FUCA1: variants seen among roughly 807,000 people sequenced by gnomAD.
FUCA1 encodes tissue alpha-L-fucosidase.
In FUCA1, 52 loss-of-function variants were observed where a neutral mutation model predicts 56.8. The observed-to-expected ratio is 0.92, with a 90% CI of 0.73 to 1.15. The LOEUF (loss-of-function observed/expected upper bound fraction) is 1.15, where lower values mean the gene tolerates loss of function less well. Ranked by LOEUF, FUCA1 falls within the 50% of genes most tolerant of loss-of-function variation. The pLI is 0.00. For synonymous variants in FUCA1, 230 were observed against 226.6 expected, an observed-to-expected ratio of 1.02 and a Z score of -0.14; for missense variants, 568 against 592.6, an observed-to-expected ratio of 0.96 and a Z score of 0.43.
At chr1:23,850,134 G>A (rs1483880089) in intron 5 of FUCA1, among the ~76,000 whole-genome samples, 1 of 151,792 alleles carries the variant, frequency 6.6e-6, no homozygotes, top group African/African-American at 2.4e-5. Flanking sequence ...GGCCAACGTG[G>A]TGAAGGCCCT....
chr1:23,859,103 C>A (rs1639454019), intron 4 of FUCA1, among the ~76,000 whole-genome samples: 1 of 151,766 alleles, frequency 6.6e-6, no homozygotes, highest in South Asian at 2.1e-4. Context: ...TATATGTTTT[C>A]TTTGTATTTT....
intron 5 of FUCA1, among the ~76,000 whole-genome samples, chr1:23,851,235 G>A (rs527626808): frequency 2.0e-5 from 3 of 152,246 alleles, no homozygotes; most frequent in South Asian, 2.1e-4. Flanking sequence ...ATGGTGGCAC[G>A]TGCCTGTATT....
At chr1:23,849,669 G>A (rs149859607) in intron 5 of FUCA1, among the ~76,000 whole-genome samples, 1,349 of 129,114 alleles carry the variant, frequency 0.01, 23 homozygotes, top group African/African-American at 0.037. Context: ...TGCAACCTCC[G>A]CCTCCTGGGT....
At chr1:23,849,733 C>T (rs1298610511) in intron 5 of FUCA1, among the ~76,000 whole-genome samples, 2 of 151,646 alleles carry the variant, frequency 1.3e-5, no homozygotes, top group South Asian at 2.1e-4. Context: ...CAGGTGCGCA[C>T]CACCATGCCC....
At chr1:23,859,686 T>G in intron 4 of FUCA1, 112 bp downstream of exon 4, 2 of 707,306 alleles carry the variant, frequency 2.8e-6, no homozygotes. Context: ...ACTGCCCCCA[T>G]GTTGATATTC....
intron 6 of FUCA1, among the ~76,000 whole-genome samples, chr1:23,846,633 G>A (rs1471674974): frequency 4.0e-5 from 6 of 151,106 alleles, no homozygotes; most frequent in Admixed American, 3.3e-4. Flanking sequence ...CCAGGATGGA[G>A]TGCAGTGGCG....
In FUCA1 at chr1:23,868,287, C is replaced by A. The variant is rs767034274; in HGVS notation, c.-1G>T. On this transcript the variant is annotated 5_prime_UTR_variant, in exon 1 of 8. Transcript: ENST00000374479. ...GCGACCTCATCCCCGGAGCCCGCAT[C>A]GCTACCCCTCAGCGACGCGGCCCAC... 1.9e-6 allele frequency: 3 copies of A among 1,546,012 alleles called. No homozygotes were observed. The highest frequency in any genetic ancestry group is 2.4e-5 in the South Asian group (2 of 84,466).
Position 23,845,630 on chromosome 1 carries a change from C to A in FUCA1, c.*85G>T. On this transcript the variant is annotated 3_prime_UTR_variant, in exon 8 of 8. Transcript: ENST00000374479. ...CATCTCTGGGTGGAGAAGAGAAGTT[C>A]GTTGATTATAGTGATGGTACTATAA... 1 of 1,522,752 alleles carries A rather than the reference C, an allele frequency of 6.6e-7. No homozygotes were observed. The highest frequency in any genetic ancestry group is 9.1e-7 in the Non-Finnish European group (1 of 1,097,594). The allele number at this position is 1,522,752 out of a possible 1,614,324, so 94.3% of individuals were successfully genotyped here. A position where few individuals can be genotyped will look rare whatever the true frequency, so the allele number is the denominator to read the frequency against.
rs1639198871 is a variant in FUCA1, at chr1:23,848,843, G to A, written c.970-4C>T. 1 of 1,613,286 alleles carries A rather than the reference G, an allele frequency of 6.2e-7. No homozygotes were observed. Among genetic ancestry groups the A allele is most frequent in the Non-Finnish European group, 8.5e-7 (1 of 1,179,306 alleles). ...AACTTACTGTCTGAACCAGTTCCTG[G>A]AGAGAACAGAAACAATGAAAGTCTA... On this transcript the variant is annotated splice_region_variant and splice_polypyrimidine_tract_variant and intron_variant, in intron 5 of 7. Coordinates refer to ENST00000374479, the MANE Select transcript of FUCA1 (RefSeq NM_000147.5).
In FUCA1 at chr1:23,860,647, C is replaced by CTT. The variant is rs201252026; in HGVS notation, c.663-746_663-745dup. Among the ~76,000 whole-genome samples, 7 of 141,964 alleles carry CTT rather than the reference C, an allele frequency of 4.9e-5. No individual in the cohort carries two copies. In the East Asian group the frequency reaches 6.4e-4, roughly 13 times the overall value. The allele number at this position is 141,964 out of a possible 152,430, so 93.1% of individuals were successfully genotyped here. ...TTCCTCCTGATCTTTTCCTTTCTTC[C>CTT]TTTTTTTTTTTGAGACTGTTTTGCT... On this transcript the variant is annotated intron_variant, in intron 3 of 7. Transcript: ENST00000374479.
intron 5 of FUCA1, among the ~76,000 whole-genome samples, chr1:23,851,431 A>ACAT (rs1639257116): frequency 1.3e-5 from 2 of 148,562 alleles, no homozygotes; most frequent in Admixed American, 6.7e-5. Flanking sequence ...CATACATACA[A>ACAT]ATAATCCTGG....
chr1:23,867,228 C>A lies in FUCA1; in HGVS notation c.389+670G>T, dbSNP rs1570691571. The stretch of plus-strand genomic sequence containing the variant: ...TCAGGACAAGCCCCTGCCTTGACAA[C>A]TTCATGGGTCGTGGTCTCCCCTTAT... On this transcript the variant is annotated intron_variant, in intron 1 of 7. Coordinates refer to ENST00000374479, the MANE Select transcript of FUCA1 (RefSeq NM_000147.5). This position sits in a 1 kb window ranked among gnomAD's most constrained non-coding sequence, Gnocchi z 4.9. 6.6e-6 allele frequency among the ~76,000 whole-genome samples: 1 copy of A among 152,180 alleles called. No homozygotes were observed. The highest frequency in any genetic ancestry group is 2.1e-4 in the South Asian group (1 of 4,832).
chr1:23,864,908 T>C (rs1012487410), intron 2 of FUCA1, among the ~76,000 whole-genome samples: 1 of 152,122 alleles, frequency 6.6e-6, no homozygotes, highest in Non-Finnish European at 1.5e-5. Context: ...TTTCACCATA[T>C]TGGTCAGGTT....
intron 4 of FUCA1, among the ~76,000 whole-genome samples, chr1:23,855,771 G>T (rs1245348857): frequency 6.6e-6 from 1 of 152,154 alleles, no homozygotes; most frequent in East Asian, 1.9e-4. Context: ...ATCAATTCAA[G>T]AACAGGTATG....
intron 5 of FUCA1, among the ~76,000 whole-genome samples, chr1:23,852,190 G>T (rs1165011869): frequency 6.6e-6 from 1 of 151,890 alleles, no homozygotes; most frequent in African/African-American, 2.4e-5. Context: ...TTGGGAGGCT[G>T]AGGCTAGATC....
At chr1:23,865,428 G>A (rs1639601930) in intron 2 of FUCA1, 63 bp downstream of exon 2, 2 of 1,605,340 alleles carry the variant, frequency 1.2e-6, no homozygotes, top group Non-Finnish European at 1.7e-6. Flanking sequence ...AAGTAGAGGA[G>A]GTACAGAACT....
At chr1:23,846,817 G>C (rs1030902224) in intron 6 of FUCA1, among the ~76,000 whole-genome samples, 5 of 151,786 alleles carry the variant, frequency 3.3e-5, no homozygotes, top group African/African-American at 1.2e-4. Context: ...CCTGACCTCA[G>C]GTGATCCACC....
At chr1:23,853,472 C>G (rs529591002) in intron 5 of FUCA1, among the ~76,000 whole-genome samples, 3 of 149,838 alleles carry the variant, frequency 2.0e-5, no homozygotes. Flanking sequence ...GCCAGCCGCC[C>G]GGTCCGGGAG....
chr1:23,845,950 G>A, intron 7 of FUCA1, 95 bp from the exon 8 acceptor site: 1 of 1,553,922 alleles, frequency 6.4e-7, no homozygotes, highest in Non-Finnish European at 8.9e-7. Context: ...CGCTGGGCCA[G>A]GGCAGGAAAG....
Sources: allele counts gnomAD v4.1 joint callset (sites outside exome capture counted in the v4.1 genomes callset), GRCh38; gene constraint gnomAD v4.1.1; non-coding constraint Gnocchi (gnomAD v3.1); transcripts MANE v1.5; gene names NCBI Gene and HGNC (gene_info 2026-07-23, HGNC 2026-07-21).